The following GSE1 variants were observed in gnomAD, a reference collection of about 807,000 sequenced individuals.
GSE1 encodes genetic suppressor element 1.
In GSE1, 32 loss-of-function variants were observed where a neutral mutation model predicts 112.6. The ratio of observed to expected loss-of-function variants is 0.28; its 90% CI spans 0.21 to 0.38. The LOEUF (loss-of-function observed/expected upper bound fraction) is 0.38. Ranked by LOEUF, GSE1 falls within the 10% of genes least tolerant of loss-of-function variation. GSE1 has a pLI of 1.00. For synonymous variants in GSE1, 1,115 were observed against 735.6 expected (o/e 1.52, Z -8.35); for missense variants, 2,348 against 1,699.2 (o/e 1.38, Z -6.71).
intron 1 of GSE1, among the ~76,000 whole-genome samples, chr16:85,184,612 A>G (rs1211620496): frequency 6.6e-6 from 1 of 152,234 alleles, no homozygotes; most frequent in Non-Finnish European, 1.5e-5. Flanking sequence ...TGTTCCTCTA[A>G]GCACTGCTTT....
intron 2 of GSE1, among the ~76,000 whole-genome samples, chr16:85,415,330 C>G (rs528884205): frequency 4.8e-4 from 73 of 152,278 alleles, no homozygotes; most frequent in African/African-American, 1.7e-3. Flanking sequence ...TACAGAGGAC[C>G]TACAGCAGAC....
At chr16:85,412,910 C>A (rs932150653) in intron 2 of GSE1, among the ~76,000 whole-genome samples, 1 of 152,194 alleles carries the variant, frequency 6.6e-6, no homozygotes. Context: ...GTGATCCAGC[C>A]CACCCCAGCC....
At chr16:85,260,782 G>T (rs1365468175) in intron 1 of GSE1, among the ~76,000 whole-genome samples, 2 of 152,212 alleles carry the variant, frequency 1.3e-5, no homozygotes, top group East Asian at 3.9e-4. Flanking sequence ...CTTCCCTGTT[G>T]CCCCTGCACT....
chr16:85,675,313 C>T lies in GSE1; in HGVS notation c.*2774C>T, dbSNP rs1030820907. 5 of 152,290 alleles carry T rather than the reference C, an allele frequency of 3.3e-5. No individual in the cohort carries two copies. Among genetic ancestry groups the T allele is most frequent in the Middle Eastern group, 3.4e-3 (1 of 294 alleles). 9.4% of individuals were successfully genotyped at this position (152,290 alleles called of 1,614,324 possible). A position where few individuals can be genotyped will look rare whatever the true frequency, so the allele number is the denominator to read the frequency against. On this transcript the variant is annotated 3_prime_UTR_variant, in exon 16 of 16. Coordinates refer to ENST00000253458, the MANE Select transcript of GSE1 (RefSeq NM_014615.5). ...AAGGGAGCTGCCATCTGTCCCTCTG[C>T]AGAGGGATACCTTCCAATAGTAAAT...
At chr16:85,229,245 G>C (rs1243771001) in intron 1 of GSE1, among the ~76,000 whole-genome samples, 3 of 152,244 alleles carry the variant, frequency 2.0e-5, no homozygotes. Context: ...GCCATGTCGG[G>C]TTGAGGGGGT....
At chr16:85,602,047 G>C (rs536918326) in intron 1 of GSE1, among the ~76,000 whole-genome samples, 3 of 152,324 alleles carry the variant, frequency 2.0e-5, no homozygotes, top group African/African-American at 7.2e-5. Context: ...TGCAGTTCTA[G>C]AAGAAGCTCC....
At chr16:85,628,235 A>G (rs1033673251) in intron 1 of GSE1, among the ~76,000 whole-genome samples, 1 of 152,302 alleles carries the variant, frequency 6.6e-6, no homozygotes, top group Middle Eastern at 3.4e-3. Flanking sequence ...CCCCTAATGA[A>G]GCCGCTCATT....
chr16:85,286,114 A>G (rs1376620652), intron 1 of GSE1, among the ~76,000 whole-genome samples: 2 of 152,268 alleles, frequency 1.3e-5, no homozygotes, highest in Non-Finnish European at 2.9e-5. Flanking sequence ...CCCAGGGCGC[A>G]TGTGTGCCTC....
chr16:85,343,989 C>T (rs2046679011), intron 1 of GSE1, among the ~76,000 whole-genome samples: 1 of 152,180 alleles, frequency 6.6e-6, no homozygotes, highest in South Asian at 2.1e-4. Flanking sequence ...ATTCCCCGCG[C>T]CTGAAACACT....
intron 2 of GSE1, among the ~76,000 whole-genome samples, chr16:85,481,886 G>A (rs984903880): frequency 2.0e-5 from 3 of 152,222 alleles, no homozygotes; most frequent in African/African-American, 7.2e-5. Flanking sequence ...TGGCAGAGCT[G>A]GGGTGCAGGG....
At chr16:85,260,216 A>G (rs767355501) in intron 1 of GSE1, among the ~76,000 whole-genome samples, 13 of 151,520 alleles carry the variant, frequency 8.6e-5, no homozygotes, top group Non-Finnish European at 1.8e-4. Context: ...CTGACAGTCT[A>G]GTTGCCTCTG....
At chr16:85,523,815 C>T (rs1036764886) in intron 2 of GSE1, among the ~76,000 whole-genome samples, 2 of 152,238 alleles carry the variant, frequency 1.3e-5, no homozygotes, top group Admixed American at 6.5e-5. Context: ...TCAGGCGCAG[C>T]GGTCTGGTTC....
intron 2 of GSE1, among the ~76,000 whole-genome samples, chr16:85,362,504 C>A (rs939740692): frequency 2.6e-5 from 4 of 152,226 alleles, no homozygotes; most frequent in Admixed American, 6.5e-5. Context: ...GGCCATGGAG[C>A]CTTCTCAAGG....
chr16:85,277,031 C>A lies in GSE1; in HGVS notation c.2284-80432C>A, dbSNP rs182868004. The stretch of plus-strand genomic sequence containing the variant: ...GTTTCAGGTTGCAGGATGAGAGGAT[C>A]GGATGGCATCTTCAAAGTCCCTAAC... On this transcript the variant is annotated intron_variant, in intron 1 of 2. Transcript: ENST00000637419. Among the ~76,000 whole-genome samples the A allele has an allele frequency of 4.1e-3, 620 of 152,216 alleles. 3 individuals are homozygous for A. Among genetic ancestry groups the A allele is most frequent in the South Asian group, 5.0e-3 (24 of 4,820 alleles).
chr16:85,525,254 C>CG (rs922985137), intron 2 of GSE1, among the ~76,000 whole-genome samples: 1 of 152,064 alleles, frequency 6.6e-6, no homozygotes, highest in African/African-American at 2.4e-5. Flanking sequence ...CACTTGTCCC[C>CG]CCCCCACTGA....
At position 85,224,370 on chromosome 16, in the gene GSE1, TA is replaced by T. The variant is rs1181800183; in HGVS notation, c.2283+52572del. On this transcript the variant is annotated intron_variant, in intron 1 of 2. Coordinates refer to the GSE1 transcript ENST00000637419. ...GGCGGATTCCAGGAGCCAAACTCAT[TA>T]AAAAAAAATTCTCGATCTGGTTGGC... Among the ~76,000 whole-genome samples, 130 of 132,598 alleles carry T rather than the reference TA, an allele frequency of 9.8e-4. 1 individual carries two copies. Among genetic ancestry groups the T allele is most frequent in the African/African-American group, 3.6e-3 (125 of 34,772 alleles). The allele number at this position is 132,598 out of a possible 152,430, so 87.0% of individuals were successfully genotyped here. A position where few individuals can be genotyped will look rare whatever the true frequency, so the allele number is the denominator to read the frequency against.
intron 1 of GSE1, among the ~76,000 whole-genome samples, chr16:85,294,083 G>T (rs1220326248): frequency 6.6e-6 from 1 of 152,202 alleles, no homozygotes; most frequent in Non-Finnish European, 1.5e-5. Flanking sequence ...CACCGGCAAA[G>T]ACTCCAGAGC....
chr16:85,378,629 C>T (rs1213118263), intron 2 of GSE1, among the ~76,000 whole-genome samples: 2 of 152,218 alleles, frequency 1.3e-5, no homozygotes, highest in Non-Finnish European at 2.9e-5. Context: ...CCTCCCATGG[C>T]TCTCATGAGG....
intron 1 of GSE1, among the ~76,000 whole-genome samples, chr16:85,309,264 C>A (rs755588332): frequency 1.3e-5 from 2 of 152,066 alleles, no homozygotes; most frequent in African/African-American, 2.4e-5. Context: ...TTTGGGAGGC[C>A]AACTAGAGGA....
Sources: gnomAD v4.1 joint callset for allele counts (sites outside exome capture counted in the v4.1 genomes callset) on GRCh38, gnomAD v4.1.1 for gene constraint, MANE v1.5 for transcripts, NCBI Gene and HGNC (gene_info 2026-07-23, HGNC 2026-07-21) for gene names.